LYN: variants seen among roughly 807,000 people sequenced by gnomAD.
The protein encoded by LYN is LYN proto-oncogene, Src family tyrosine kinase.
Under a neutral mutation model 65.0 loss-of-function variants are expected in LYN, and 12 were observed. The observed-to-expected ratio is 0.18, with a 90% CI of 0.12 to 0.30. The LOEUF is 0.30. LYN is among the 10% of genes least tolerant of loss of function. LYN has a pLI of 1.00. For synonymous variants in LYN, 222 were observed against 221.2 expected (o/e 1.00, Z -0.03); for missense variants, 380 against 623.2 (o/e 0.61, Z 4.16).
intron 12 of LYN, among the ~76,000 whole-genome samples, chr8:56,008,715 G>A (rs576684032): frequency 6.6e-6 from 1 of 152,274 alleles, no homozygotes; most frequent in South Asian, 2.1e-4. Flanking sequence ...CTTTTGCAGA[G>A]CTCTAGAGGA....
At chr8:55,887,618 T>A (rs1456863751) in intron 1 of LYN, among the ~76,000 whole-genome samples, 1 of 81,456 alleles carries the variant, frequency 1.2e-5, no homozygotes, top group African/African-American at 4.2e-5. Flanking sequence ...ATATATATTT[T>A]TTTTTTCCTG....
At chr8:55,909,938 A>G (rs79307691) in intron 1 of LYN, among the ~76,000 whole-genome samples, 2,391 of 146,868 alleles carry the variant, frequency 0.016, 149 homozygotes, top group East Asian at 0.13. Flanking sequence ...AAAAATATGT[A>G]TTCATGTTCT....
intron 4 of LYN, among the ~76,000 whole-genome samples, chr8:55,949,381 T>G (rs372741633): frequency 6.6e-6 from 1 of 152,292 alleles, no homozygotes; most frequent in African/African-American, 2.4e-5. Flanking sequence ...GTTGTAAGGC[T>G]GTTTTCCTTT....
Position 56,011,156 on chromosome 8 carries a change from G to C in LYN, c.*1046G>C, listed in dbSNP as rs1455598504. ...CAATCTTTTCTAAATTGTGTAGCAT[G>C]TGTATGAGACTATTTATACCCAAGG... On this transcript the variant is annotated 3_prime_UTR_variant, in exon 13 of 13. Transcript: ENST00000519728. 2.2e-5 allele frequency: 5 copies of C among 228,096 alleles called. No individual in the cohort carries two copies. The highest frequency in any genetic ancestry group is 4.3e-5 in the Non-Finnish European group (5 of 115,010). 14.1% of individuals were successfully genotyped at this position (228,096 alleles called of 1,614,324 possible). A position where few individuals can be genotyped will look rare whatever the true frequency, so the allele number is the denominator to read the frequency against.
At position 56,014,156 on chromosome 8, in the gene LYN, AC is replaced by A. The variant is rs1281158922; in HGVS notation, c.*4048del. The A allele has an allele frequency of 2.6e-5, 4 of 152,208 alleles. No homozygotes were observed. The highest frequency in any genetic ancestry group is 9.6e-5 in the African/African-American group (4 of 41,454). The allele number at this position is 152,208 out of a possible 1,614,324, so 9.4% of individuals were successfully genotyped here. On this transcript the variant is annotated 3_prime_UTR_variant, in exon 13 of 13. Coordinates refer to ENST00000519728, the MANE Select transcript of LYN (RefSeq NM_002350.4). ...TCATATTGTTTCCTTGTGAAATAAA[AC>A]CAGTGAAACACCTTTGTGTAGAATC... is the stretch of plus-strand genomic sequence containing the variant.
intron 2 of LYN, among the ~76,000 whole-genome samples, chr8:55,943,575 CAAA>C (rs71555625): frequency 9.0e-5 from 7 of 77,884 alleles, no homozygotes; most frequent in African/African-American, 1.6e-4. Flanking sequence ...GACTCTGTCT[CAAA>C]AAAAAAAAAA....
chr8:55,888,912 G>T (rs1317823515), intron 1 of LYN, among the ~76,000 whole-genome samples: 1 of 152,148 alleles, frequency 6.6e-6, no homozygotes, highest in Admixed American at 6.5e-5. Context: ...CACCATAGCA[G>T]TTGATTTTTG....
intron 8 of LYN, among the ~76,000 whole-genome samples, chr8:55,962,549 G>A (rs1222917767): frequency 6.6e-6 from 1 of 151,960 alleles, no homozygotes; most frequent in African/African-American, 2.4e-5. Context: ...AGATGCATCT[G>A]TGGCTACGGT....
chr8:55,970,675 G>A (rs1390188497), intron 10 of LYN, among the ~76,000 whole-genome samples: 3 of 151,986 alleles, frequency 2.0e-5, no homozygotes, highest in Non-Finnish European at 1.5e-5. Context: ...GGGAATACGA[G>A]ATCCAAGGAA....
intron 1 of LYN, among the ~76,000 whole-genome samples, chr8:55,924,357 C>A (rs1320317968): frequency 6.6e-6 from 1 of 150,730 alleles, no homozygotes; most frequent in Admixed American, 6.6e-5. Context: ...TTCTTGGCAT[C>A]CTCATTTTTT....
intron 8 of LYN, among the ~76,000 whole-genome samples, chr8:55,957,853 T>A (rs1807164221): frequency 6.6e-6 from 1 of 151,892 alleles, no homozygotes; most frequent in African/African-American, 2.4e-5. Flanking sequence ...GAGGTTGAGG[T>A]GGGAGGATCG....
chr8:55,918,414 A>G (rs1170692007), intron 1 of LYN, among the ~76,000 whole-genome samples: 1 of 152,250 alleles, frequency 6.6e-6, no homozygotes, highest in African/African-American at 2.4e-5. Context: ...GGTCTGGGCT[A>G]TGGAGCCGGG....
intron 4 of LYN, among the ~76,000 whole-genome samples, chr8:55,948,942 A>G (rs2130488890): frequency 6.6e-6 from 1 of 152,314 alleles, no homozygotes; most frequent in Middle Eastern, 3.4e-3. Flanking sequence ...CATGCCTTAC[A>G]GACAAGGATC....
chr8:55,935,789 A>AG, intron 1 of LYN, among the ~76,000 whole-genome samples: 1 of 151,872 alleles, frequency 6.6e-6, no homozygotes, highest in East Asian at 1.9e-4. Context: ...CAAAAAAAAA[A>AG]AAAAAAAAAC....
Position 56,010,495 on chromosome 8 carries a change from AC to A in LYN, c.*386del, listed in dbSNP as rs911183299. 13 of 282,216 alleles carry A rather than the reference AC, an allele frequency of 4.6e-5. No homozygotes were observed. The highest frequency in any genetic ancestry group is 2.8e-4 in the African/African-American group (13 of 47,066). The allele number at this position is 282,216 out of a possible 1,614,324, so 17.5% of individuals were successfully genotyped here. On this transcript the variant is annotated 3_prime_UTR_variant, in exon 13 of 13. Transcript: ENST00000519728. ...GCAATGAATCCCCAATAATTGCAGA[AC>A]TAAACTCATTTATAAAGCTAAAATA...
At chr8:55,904,175 A>G (rs1805356577) in intron 1 of LYN, among the ~76,000 whole-genome samples, 2 of 152,250 alleles carry the variant, frequency 1.3e-5, no homozygotes, top group African/African-American at 4.8e-5. Context: ...TAAATCTGAA[A>G]TAAGTACGAT....
chr8:55,956,959 C>T (rs1807136099), intron 8 of LYN, among the ~76,000 whole-genome samples: 1 of 152,234 alleles, frequency 6.6e-6, no homozygotes, highest in South Asian at 2.1e-4. Flanking sequence ...GACATTCTCA[C>T]TTACTCATTG....
chr8:55,928,387 C>G (rs1401911871), intron 1 of LYN, among the ~76,000 whole-genome samples: 3 of 152,190 alleles, frequency 2.0e-5, no homozygotes, highest in Non-Finnish European at 4.4e-5. Context: ...CTCAGGTGAT[C>G]CGCCGACCTT....
chr8:55,978,402 G>A (rs187834575), intron 10 of LYN, among the ~76,000 whole-genome samples: 18 of 152,354 alleles, frequency 1.2e-4, no homozygotes, highest in African/African-American at 1.2e-4. Context: ...CCGCCATTGC[G>A]GGCACGGGGT....
Sources: allele counts gnomAD v4.1 joint callset (sites outside exome capture counted in the v4.1 genomes callset), GRCh38; gene constraint gnomAD v4.1.1; transcripts MANE v1.5; gene names NCBI Gene and HGNC (gene_info 2026-07-23, HGNC 2026-07-21).